Variants in PCDH11X observed in about 807,000 individuals in gnomAD.
PCDH11X encodes the protein protocadherin 11 X-linked.
A neutral mutation model predicts 53.3 loss-of-function variants in PCDH11X; 18 were observed. The ratio of observed to expected loss-of-function variants is 0.34; its 90% CI spans 0.23 to 0.50. PCDH11X has a LOEUF of 0.50. Among genes scored for constraint, PCDH11X ranks in the 20% least tolerant of loss-of-function variants. The probability of loss-of-function intolerance (pLI) is 0.98; values close to 1 mark genes in which losing one functional copy is unlikely to be tolerated. For missense variants in PCDH11X, 570 were observed against 1,032.4 expected (o/e 0.55, Z 6.14); for synonymous variants, 279 against 393.3 (o/e 0.71, Z 3.44).
intron 7 of PCDH11X, among the ~76,000 whole-genome samples, chrX:92,208,727 C>T (rs2066526226): frequency 9.5e-6 from 1 of 105,351 alleles, no homozygotes; most frequent in African/African-American, 3.5e-5. Context: ...CCCGAAAATG[C>T]AATTTTTAGA....
At chrX:92,403,376 G>T (rs2148591581) in intron 9 of PCDH11X, among the ~76,000 whole-genome samples, 1 of 69,552 alleles carries the variant, frequency 1.4e-5, no homozygotes, top group African/African-American at 6.1e-5. Context: ...ATGTGAATCT[G>T]CAAGTCATTT....
chrX:92,001,995 T>C lies in PCDH11X; in HGVS notation c.3033+122722T>C, dbSNP rs1451155023. Among the ~76,000 whole-genome samples the C allele has an allele frequency of 2.9e-5, 3 of 102,387 alleles. No individual in the cohort carries two copies. In the East Asian group the frequency reaches 9.3e-4, roughly 32 times the overall value. 88.9% of individuals were successfully genotyped at this position (102,387 alleles called of 115,157 possible). Reference sequence around the variant, plus strand: ...TTTGCCCAGACCAATATCCTGGAGATTTTTTCAGTGTTTTCTTGTAATAGC... The same window carrying C: ...TTTGCCCAGACCAATATCCTGGAGACTTTTTCAGTGTTTTCTTGTAATAGC... On this transcript the variant is annotated intron_variant, in intron 6 of 10. Coordinates refer to ENST00000682573, the MANE Select transcript of PCDH11X (RefSeq NM_032968.5).
At chrX:91,823,132 G>GA (rs1171772563) in intron 4 of PCDH11X, among the ~76,000 whole-genome samples, 1 of 109,534 alleles carries the variant, frequency 9.1e-6, no homozygotes, top group Non-Finnish European at 1.9e-5. Context: ...GTGTGGTGCT[G>GA]AAAAAAATGT....
chrX:92,102,011 T>C (rs2064265120), intron 6 of PCDH11X, among the ~76,000 whole-genome samples: 1 of 111,358 alleles, frequency 9.0e-6, no homozygotes, highest in African/African-American at 3.3e-5. Flanking sequence ...TCAAGTGTGA[T>C]CAGGGTGAGG....
chrX:92,073,711 A>C (rs1326677321), intron 6 of PCDH11X, among the ~76,000 whole-genome samples: 1 of 112,201 alleles, frequency 8.9e-6, no homozygotes, highest in African/African-American at 3.2e-5. Flanking sequence ...TCAGTTCTTT[A>C]GGGGTAGTAG....
intron 5 of PCDH11X, among the ~76,000 whole-genome samples, chrX:91,856,531 G>A (rs1291289213): frequency 3.7e-5 from 4 of 109,352 alleles, no homozygotes; most frequent in African/African-American, 6.7e-5. Flanking sequence ...AATGTGTGCC[G>A]TGGTGATTTG....
At chrX:92,350,668 C>T (rs1186799184) in intron 8 of PCDH11X, among the ~76,000 whole-genome samples, 1 of 111,409 alleles carries the variant, frequency 9.0e-6, no homozygotes, top group African/African-American at 3.3e-5. Context: ...CTTGGCTTTC[C>T]TGGTATATTC....
At position 92,198,232 on chromosome X, in the gene PCDH11X, C is replaced by CAAA. The variant is rs112132834; in HGVS notation, c.3034-3133_3034-3131dup. 1.7e-3 allele frequency among the ~76,000 whole-genome samples: 142 copies of CAAA among 83,055 alleles called. 1 individual carries two copies. Among genetic ancestry groups the CAAA allele is most frequent in the Admixed American group, 5.9e-3 (40 of 6,763 alleles). The allele number at this position is 83,055 out of a possible 115,157, so 72.1% of individuals were successfully genotyped here. On this transcript the variant is annotated intron_variant, in intron 6 of 10. Transcript: ENST00000682573. ...GTAATATGATGAAACACTGTCTCTA[C>CAAA]AAAAAAAAAAAAGAAAAAAAATACA... is the stretch of plus-strand genomic sequence containing the variant.
chrX:92,244,247 C>T (rs757805831), intron 7 of PCDH11X, among the ~76,000 whole-genome samples: 2 of 108,350 alleles, frequency 1.8e-5, no homozygotes, highest in African/African-American at 3.4e-5. Context: ...ACTTTTGGAC[C>T]GTAATCACTA....
At chrX:91,920,052 C>T (rs899647820) in intron 6 of PCDH11X, among the ~76,000 whole-genome samples, 6 of 111,541 alleles carry the variant, frequency 5.4e-5, no homozygotes, top group African/African-American at 2.0e-4. Flanking sequence ...AGCTTTTCTA[C>T]TGAATAATCC....
chrX:92,002,044 TAA>T (rs1440104558), intron 6 of PCDH11X, among the ~76,000 whole-genome samples: 1 of 100,918 alleles, frequency 9.9e-6, no homozygotes, highest in Non-Finnish European at 2.0e-5. Flanking sequence ...GTCTTAGAGT[TAA>T]GTCTTTAATC....
intron 9 of PCDH11X, among the ~76,000 whole-genome samples, chrX:92,406,956 A>T (rs1308230850): frequency 2.9e-4 from 28 of 96,890 alleles, no homozygotes; most frequent in Admixed American, 2.7e-3. Flanking sequence ...AAAAGGAAAA[A>T]TTGAACTCTC....
Position 92,181,278 on chromosome X carries a change from G to A in PCDH11X, c.3034-20097G>A, listed in dbSNP as rs372339736. On this transcript the variant is annotated intron_variant, in intron 6 of 10. Coordinates refer to ENST00000682573, the MANE Select transcript of PCDH11X (RefSeq NM_032968.5). Reference sequence around the variant, plus strand: ...GTGGAACTTTGAACTTGAGAGAGATGATTTAGGGTAGCTGGTGGAAGAAAT... The same window carrying A: ...GTGGAACTTTGAACTTGAGAGAGATAATTTAGGGTAGCTGGTGGAAGAAAT... Among the ~76,000 whole-genome samples, 3 of 111,395 alleles carry A rather than the reference G, an allele frequency of 2.7e-5. No individual in the cohort carries two copies. In the East Asian group the frequency reaches 8.5e-4, roughly 31 times the overall value.
intron 6 of PCDH11X, among the ~76,000 whole-genome samples, chrX:91,908,040 G>A (rs1426526505): frequency 1.8e-5 from 2 of 111,454 alleles, no homozygotes; most frequent in African/African-American, 3.3e-5. Context: ...TCACTGATGG[G>A]CATTTAGGTT....
chrX:92,243,694 AC>A (rs1216036339), intron 7 of PCDH11X, among the ~76,000 whole-genome samples: 1 of 111,621 alleles, frequency 9.0e-6, no homozygotes, highest in East Asian at 2.8e-4. Context: ...AGTAAGTTTG[AC>A]CTTCATCTAA....
intron 5 of PCDH11X, among the ~76,000 whole-genome samples, chrX:91,847,522 T>C (rs1937749767): frequency 9.0e-6 from 1 of 110,950 alleles, no homozygotes; most frequent in African/African-American, 3.3e-5. Flanking sequence ...TCTACAGTAA[T>C]TCCTTCTTTT....
chrX:91,990,834 T>A (rs2062309840), intron 6 of PCDH11X, among the ~76,000 whole-genome samples: 1 of 105,264 alleles, frequency 9.5e-6, no homozygotes, highest in African/African-American at 3.6e-5. Context: ...CTCCCTGAAC[T>A]TTGGGGGGCT....
chrX:92,212,696 T>C (rs906493499), intron 7 of PCDH11X, among the ~76,000 whole-genome samples: 4 of 112,413 alleles, frequency 3.6e-5, no homozygotes, highest in African/African-American at 1.3e-4. Flanking sequence ...AAAAATTCAC[T>C]GGGGTCACAA....
intron 4 of PCDH11X, among the ~76,000 whole-genome samples, chrX:91,816,052 C>T (rs1409947622): frequency 2.7e-5 from 3 of 109,284 alleles, no homozygotes; most frequent in South Asian, 3.9e-4. Context: ...CACTTGAACC[C>T]GGGAGGCGGA....
Sources: gnomAD v4.1 joint callset for allele counts (sites outside exome capture counted in the v4.1 genomes callset) on GRCh38, gnomAD v4.1.1 for gene constraint, MANE v1.5 for transcripts, NCBI Gene and HGNC (gene_info 2026-07-23, HGNC 2026-07-21) for gene names.